The following NCOA3 variants were observed in gnomAD, a reference collection of about 807,000 sequenced individuals.
NCOA3 encodes the protein nuclear receptor coactivator 3, also known as CBP-interacting protein.
Under a neutral mutation model 158.8 loss-of-function variants are expected in NCOA3, and 51 were observed. The ratio of observed to expected loss-of-function variants is 0.32; its 90% CI spans 0.26 to 0.41. The LOEUF (loss-of-function observed/expected upper bound fraction) is 0.41. NCOA3 is among the 10% of genes least tolerant of loss of function. The pLI, the probability that NCOA3 is intolerant of heterozygous loss-of-function variation, is 1.00. For missense variants in NCOA3, 1,510 were observed against 1,746.6 expected, an observed-to-expected ratio of 0.86 and a Z score of 2.41; for synonymous variants, 537 against 592.4, an observed-to-expected ratio of 0.91 and a Z score of 1.36.
intron 1 of NCOA3, among the ~76,000 whole-genome samples, chr20:47,508,648 A>G (rs1304867367): frequency 6.6e-6 from 1 of 152,260 alleles, no homozygotes; most frequent in Non-Finnish European, 1.5e-5. Context: ...CATAATAGAA[A>G]TGTCCTAAAC....
At chr20:47,570,248 C>G (rs994771985) in intron 1 of NCOA3, among the ~76,000 whole-genome samples, 1 of 152,048 alleles carries the variant, frequency 6.6e-6, no homozygotes, top group African/African-American at 2.4e-5. Flanking sequence ...TGAGACTAGC[C>G]TGGGCAACAT....
intron 2 of NCOA3, among the ~76,000 whole-genome samples, chr20:47,620,374 G>C (rs768624398): frequency 1.4e-4 from 22 of 152,218 alleles, no homozygotes; most frequent in Non-Finnish European, 2.4e-4. Flanking sequence ...GCCTCCCAAA[G>C]CACTGGGATT....
chr20:47,507,914 T>C (rs2084054850), intron 1 of NCOA3, among the ~76,000 whole-genome samples: 1 of 152,120 alleles, frequency 6.6e-6, no homozygotes. Context: ...CCACCACGCC[T>C]GGCCAACAAC....
At chr20:47,595,009 C>G (rs1185720848) in intron 2 of NCOA3, among the ~76,000 whole-genome samples, 1 of 151,508 alleles carries the variant, frequency 6.6e-6, no homozygotes, top group Non-Finnish European at 1.5e-5. Flanking sequence ...CCAGGCTGGT[C>G]TCGATCCCCT....
intron 17 of NCOA3, among the ~76,000 whole-genome samples, chr20:47,644,105 TG>T (rs1169365002): frequency 6.6e-6 from 1 of 152,000 alleles, no homozygotes; most frequent in Non-Finnish European, 1.5e-5. Context: ...CCTACTTTTC[TG>T]GGATTTCTGT....
intron 2 of NCOA3, among the ~76,000 whole-genome samples, chr20:47,593,905 C>T (rs548790815): frequency 1.3e-5 from 2 of 152,190 alleles, no homozygotes; most frequent in South Asian, 4.1e-4. Context: ...ATTTATATTT[C>T]TCCTTCAGTT....
chr20:47,570,568 C>T (rs2085274908), intron 1 of NCOA3, among the ~76,000 whole-genome samples: 1 of 152,184 alleles, frequency 6.6e-6, no homozygotes, highest in Non-Finnish European at 1.5e-5. Flanking sequence ...GTTACTTCCT[C>T]CACTGAAATC....
At chr20:47,626,787 G>A (rs746134359) in intron 5 of NCOA3, among the ~76,000 whole-genome samples, 2 of 152,054 alleles carry the variant, frequency 1.3e-5, no homozygotes, top group Non-Finnish European at 2.9e-5. Context: ...TTTTCTCTGC[G>A]TGCACATTCC....
intron 1 of NCOA3, among the ~76,000 whole-genome samples, chr20:47,579,870 T>G: frequency 6.6e-6 from 1 of 151,912 alleles, no homozygotes; most frequent in African/African-American, 2.4e-5. Flanking sequence ...TGAACTAGAG[T>G]TTGGGTGCAG....
At chr20:47,523,530 A>G (rs1222679005) in intron 1 of NCOA3, among the ~76,000 whole-genome samples, 1 of 152,176 alleles carries the variant, frequency 6.6e-6, no homozygotes, top group African/African-American at 2.4e-5. Context: ...GTGCTTAGTA[A>G]AGGGGTTAAC....
At chr20:47,605,552 A>C (rs139391963) in intron 2 of NCOA3, among the ~76,000 whole-genome samples, 1 of 151,656 alleles carries the variant, frequency 6.6e-6, no homozygotes, top group Non-Finnish European at 1.5e-5. Flanking sequence ...CCTTCCTTTC[A>C]TGAGTTTTTT....
chr20:47,626,083 G>A (rs1320224783), intron 5 of NCOA3, among the ~76,000 whole-genome samples: 3 of 152,200 alleles, frequency 2.0e-5, no homozygotes, highest in East Asian at 1.9e-4. Context: ...ATGACTGTAC[G>A]TTTCGGCTCA....
At chr20:47,573,191 G>A (rs2085320983) in intron 1 of NCOA3, among the ~76,000 whole-genome samples, 1 of 152,122 alleles carries the variant, frequency 6.6e-6, no homozygotes, top group Non-Finnish European at 1.5e-5. Flanking sequence ...CTGAGATCAG[G>A]AATTCAAGAC....
intron 1 of NCOA3, among the ~76,000 whole-genome samples, chr20:47,526,820 T>G (rs943203302): frequency 6.6e-6 from 1 of 152,010 alleles, no homozygotes; most frequent in Non-Finnish European, 1.5e-5. Context: ...TTTTTGTATT[T>G]TTAGTAGAGA....
rs59554529 is a variant in NCOA3, at chr20:47,510,432, CA to C, written c.-99+8428del. Reference sequence around the variant, plus strand: ...TGGGTGACAGAGCAAGACTCCATCTCAAAAAAAAAAAAAAAGTACACGATCA... The same window carrying C: ...TGGGTGACAGAGCAAGACTCCATCTCAAAAAAAAAAAAAAGTACACGATCA... On this transcript the variant is annotated intron_variant, in intron 1 of 22. Transcript: ENST00000371998. 2.1e-3 allele frequency among the ~76,000 whole-genome samples: 144 copies of C among 67,862 alleles called. 5 individuals carry two copies. Among genetic ancestry groups the C allele is most frequent in the African/African-American group, 7.4e-3 (133 of 17,938 alleles). The allele number at this position is 67,862 out of a possible 152,430, so 44.5% of individuals were successfully genotyped here.
rs1303269266 is a variant in NCOA3 at position 47,625,436 on chromosome 20, G to C, written c.312G>C (p.Gly104=). The C allele has an allele frequency of 6.2e-7, 1 of 1,613,748 alleles. No homozygotes were observed. The highest frequency in any genetic ancestry group is 1.3e-5 in the African/African-American group (1 of 74,986). Residue 104 remains glycine (G), a synonymous_variant, in exon 5 of 23, where the codon GGG becomes GGC. Transcript: ENST00000371998. The stretch of plus-strand genomic sequence containing the variant: ...AAAAAGCCGATGTATCTTCTACAGG[G>C]CAGGGAGTTATTGATAAAGACTCCT... ...DVQKADVSST[G]QGVIDKDSLG...
intron 1 of NCOA3, among the ~76,000 whole-genome samples, chr20:47,553,181 C>T (rs1348937636): frequency 8.5e-5 from 13 of 152,152 alleles, no homozygotes; most frequent in South Asian, 4.2e-4. Context: ...GGGATTTGCT[C>T]GCTTTGGCCT....
Position 47,639,708 on chromosome 20 carries a change from ACTT to A in NCOA3, c.2843_2845del (p.Ser948del). On this transcript the variant is annotated inframe_deletion, in exon 15 of 23. Coordinates refer to ENST00000371998, the MANE Select transcript of NCOA3 (RefSeq NM_181659.3). ...GGGAAGACCAGGAGGAGATTATAAT[ACTT>A]CTTTACCCAGACCTGCACTGGGTGG... The A allele has an allele frequency of 6.2e-7, 1 of 1,614,106 alleles. No homozygotes were observed. Among genetic ancestry groups the A allele is most frequent in the Non-Finnish European group, 8.5e-7 (1 of 1,180,022 alleles).
At chr20:47,567,034 A>G (rs896749077) in intron 1 of NCOA3, among the ~76,000 whole-genome samples, 50 of 151,656 alleles carry the variant, frequency 3.3e-4, no homozygotes, top group Admixed American at 2.4e-3. Flanking sequence ...GTATGTATGT[A>G]TGTATGTATG....
Sources: allele counts gnomAD v4.1 joint callset (sites outside exome capture counted in the v4.1 genomes callset), GRCh38; gene constraint gnomAD v4.1.1; transcripts MANE v1.5; gene names NCBI Gene and HGNC (gene_info 2026-07-23, HGNC 2026-07-21).